The following EYS variants were observed in gnomAD, a reference collection of about 807,000 sequenced individuals.
EYS encodes the protein protein eyes shut homolog.
EYS carries 250 observed loss-of-function variants against 282.1 expected under a neutral mutation model. The observed-to-expected ratio is 0.89, with a 90% confidence interval of 0.80 to 0.98. The LOEUF is 0.98. Among genes scored for constraint, EYS ranks in the 50% least tolerant of loss-of-function variants. The probability of loss-of-function intolerance (pLI) is 0.00; values close to 1 mark genes in which losing one functional copy is unlikely to be tolerated. For missense variants in EYS, 4,016 were observed against 3,709.0 expected (o/e 1.08, Z -2.15); for synonymous variants, 1,355 against 1,282.9 (o/e 1.06, Z -1.20).
chr6:64,900,152 T>C (rs1053527026), intron 18 of EYS, among the ~76,000 whole-genome samples: 6 of 152,146 alleles, frequency 3.9e-5, no homozygotes, highest in African/African-American at 1.4e-4. Context: ...ATTTAATAAA[T>C]AGTGTTGGGA....
chr6:64,457,610 C>T (rs1387023619), intron 26 of EYS, among the ~76,000 whole-genome samples: 1 of 151,906 alleles, frequency 6.6e-6, no homozygotes, highest in Non-Finnish European at 1.5e-5. Context: ...CTATAGTGAC[C>T]TCCTTTGTCT....
rs112332545 is a variant in EYS at position 64,493,955 on chromosome 6, T to C, written c.5645-54603A>G. 4.5e-3 allele frequency among the ~76,000 whole-genome samples: 682 copies of C among 151,698 alleles called. 5 individuals are homozygous for C. Among genetic ancestry groups the C allele is most frequent in the African/African-American group, 0.015 (640 of 41,498 alleles). ...CCAGGATATACAGGAACTCCAATTG[T>C]CAAAGGGACTAAGGGGTCCTGAAGG... On this transcript the variant is annotated intron_variant, in intron 26 of 42. Coordinates refer to ENST00000503581, the MANE Select transcript of EYS (RefSeq NM_001142800.2).
At chr6:65,353,326 G>C in intron 9 of EYS, 132 bp downstream of exon 9, 3 of 736,412 alleles carry the variant, frequency 4.1e-6, no homozygotes, top group Admixed American at 2.5e-5. Context: ...GAAAATAAGA[G>C]TATTAATTTT....
At chr6:65,705,287 C>T (rs565670375) in intron 1 of EYS, among the ~76,000 whole-genome samples, 1 of 152,274 alleles carries the variant, frequency 6.6e-6, no homozygotes, top group East Asian at 1.9e-4. Context: ...AGAATCTGGG[C>T]TGCATAGAGG....
At chr6:64,377,493 G>T (rs1432699056) in intron 29 of EYS, among the ~76,000 whole-genome samples, 1 of 152,060 alleles carries the variant, frequency 6.6e-6, no homozygotes, top group Non-Finnish European at 1.5e-5. Flanking sequence ...ACTAAAGTCA[G>T]GCCATTCAGC....
chr6:65,404,310 C>T (rs1159469102), intron 6 of EYS, among the ~76,000 whole-genome samples: 1 of 152,172 alleles, frequency 6.6e-6, no homozygotes, highest in African/African-American at 2.4e-5. Flanking sequence ...TGATTAGCAG[C>T]CTTTGTTCCA....
intron 13 of EYS, among the ~76,000 whole-genome samples, chr6:65,002,979 C>T (rs371897955): frequency 1.4e-5 from 2 of 147,034 alleles, no homozygotes; most frequent in African/African-American, 4.9e-5. Flanking sequence ...GCCTCAGGAC[C>T]CTGTAATAAT....
At chr6:65,621,059 T>C (rs1582530362) in intron 2 of EYS, among the ~76,000 whole-genome samples, 2 of 152,190 alleles carry the variant, frequency 1.3e-5, no homozygotes, top group Admixed American at 6.5e-5. Context: ...TTTGTAGATA[T>C]CTATTAGGTC....
intron 12 of EYS, among the ~76,000 whole-genome samples, chr6:65,224,794 C>A (rs1766576043): frequency 6.6e-6 from 1 of 151,928 alleles, no homozygotes; most frequent in African/African-American, 2.4e-5. Context: ...TAGTTCTATG[C>A]CAATAATTTA....
intron 26 of EYS, among the ~76,000 whole-genome samples, chr6:64,473,761 G>A (rs547824360): frequency 5.9e-5 from 9 of 152,130 alleles, no homozygotes; most frequent in Non-Finnish European, 1.3e-4. Context: ...GGGACTCACG[G>A]ATCACCAGCC....
intron 1 of EYS, among the ~76,000 whole-genome samples, chr6:65,646,881 A>C (rs2149816141): frequency 6.6e-6 from 1 of 152,300 alleles, no homozygotes; most frequent in East Asian, 1.9e-4. Flanking sequence ...GCAGCGACCA[A>C]GCTAAGAATC....
At chr6:64,432,675 T>C (rs1774611500) in intron 28 of EYS, among the ~76,000 whole-genome samples, 1 of 151,962 alleles carries the variant, frequency 6.6e-6, no homozygotes, top group Non-Finnish European at 1.5e-5. Context: ...CATCAGACTC[T>C]CATATTTGTG....
chr6:64,465,416 C>T (rs1775885081), intron 26 of EYS, among the ~76,000 whole-genome samples: 1 of 152,090 alleles, frequency 6.6e-6, no homozygotes, highest in Non-Finnish European at 1.5e-5. Flanking sequence ...AAAACAGACA[C>T]ACAGTCCAAG....
chr6:65,069,969 C>T (rs1414305200), intron 12 of EYS, among the ~76,000 whole-genome samples: 1 of 151,886 alleles, frequency 6.6e-6, no homozygotes, highest in African/African-American at 2.4e-5. Flanking sequence ...TGTCAGAAAA[C>T]TGATGTTTCT....
chr6:64,312,333 C>A (rs1024564777), intron 29 of EYS, among the ~76,000 whole-genome samples: 2 of 152,128 alleles, frequency 1.3e-5, no homozygotes, highest in Non-Finnish European at 2.9e-5. Flanking sequence ...TCTCTAGATT[C>A]CTCCTCTCTG....
At chr6:63,777,454 T>C (rs776032944) in intron 40 of EYS, among the ~76,000 whole-genome samples, 1 of 152,192 alleles carries the variant, frequency 6.6e-6, no homozygotes, top group Non-Finnish European at 1.5e-5. Context: ...GACATAGTGC[T>C]TACTTCCACT....
At chr6:64,843,682 CA>C (rs1765633915) in intron 19 of EYS, among the ~76,000 whole-genome samples, 1 of 152,068 alleles carries the variant, frequency 6.6e-6, no homozygotes, top group Non-Finnish European at 1.5e-5. Flanking sequence ...GACTCATAGG[CA>C]GAAGGGACTT....
chr6:63,838,971 A>G (rs888670622), intron 36 of EYS, among the ~76,000 whole-genome samples: 3 of 152,212 alleles, frequency 2.0e-5, no homozygotes, highest in African/African-American at 7.2e-5. Flanking sequence ...TATGGGGCAC[A>G]GTGTGATATT....
intron 36 of EYS, among the ~76,000 whole-genome samples, chr6:63,856,024 T>A (rs975829637): frequency 4.0e-5 from 6 of 151,710 alleles, no homozygotes; most frequent in African/African-American, 1.5e-4. Flanking sequence ...AGTTTTTTTT[T>A]TTTTTTTTTA....
Sources: allele counts gnomAD v4.1 joint callset (sites outside exome capture counted in the v4.1 genomes callset), GRCh38; gene constraint gnomAD v4.1.1; transcripts MANE v1.5; gene names NCBI Gene and HGNC (gene_info 2026-07-23, HGNC 2026-07-21).